TGM3: variants seen among roughly 807,000 people sequenced by gnomAD.
TGM3 encodes the protein protein-glutamine gamma-glutamyltransferase E.
TGM3 carries 52 observed loss-of-function variants against 73.8 expected under a neutral mutation model. The observed-to-expected ratio is 0.70, with a 90% CI of 0.56 to 0.89. The LOEUF (loss-of-function observed/expected upper bound fraction) is 0.89, where lower values mean the gene tolerates loss of function less well. Among genes scored for constraint, TGM3 ranks in the 40% least tolerant of loss-of-function variants. The pLI is 0.00. For synonymous variants in TGM3, 372 were observed against 354.9 expected (o/e 1.05, Z -0.54); for missense variants, 928 against 909.9 (o/e 1.02, Z -0.26).
chr20:2,327,504 A>G (rs1445676024), intron 8 of TGM3, among the ~76,000 whole-genome samples: 1 of 152,118 alleles, frequency 6.6e-6, no homozygotes, highest in Non-Finnish European at 1.5e-5. Context: ...AACAAAAAAG[A>G]TATAGTTAGA....
At chr20:2,298,058 C>A (rs2084120833) in intron 1 of TGM3, among the ~76,000 whole-genome samples, 1 of 148,178 alleles carries the variant, frequency 6.7e-6, no homozygotes. Context: ...TGGACTTGGT[C>A]TGGAGAGGTT....
intron 9 of TGM3, among the ~76,000 whole-genome samples, chr20:2,330,692 T>G (rs776680980): frequency 8.5e-5 from 13 of 152,172 alleles, no homozygotes; most frequent in Non-Finnish European, 1.6e-4. Flanking sequence ...AGGGGCTTGC[T>G]GTATCGTAAA....
At chr20:2,302,691 A>G (rs969083026) in intron 1 of TGM3, among the ~76,000 whole-genome samples, 4 of 150,830 alleles carry the variant, frequency 2.7e-5, no homozygotes, top group Non-Finnish European at 5.9e-5. Context: ...GCATTTGCCA[A>G]CTGTTTATAT....
intron 1 of TGM3, among the ~76,000 whole-genome samples, chr20:2,304,817 C>T (rs970616008): frequency 1.3e-5 from 2 of 152,182 alleles, no homozygotes; most frequent in Non-Finnish European, 2.9e-5. Context: ...CTCAGTCCCA[C>T]AACACTGCCC....
At chr20:2,333,505 C>A (rs2084331855) in intron 10 of TGM3, among the ~76,000 whole-genome samples, 1 of 152,118 alleles carries the variant, frequency 6.6e-6, no homozygotes, top group African/African-American at 2.4e-5. Context: ...CTCAGCCCCC[C>A]AAGTAGCTGT....
At position 2,332,358 on chromosome 20, in the gene TGM3, A is replaced by G. The variant is rs1350895662; in HGVS notation, c.1642+48A>G. On this transcript the variant is annotated intron_variant, in intron 10 of 12. Coordinates refer to ENST00000381458, the MANE Select transcript of TGM3 (RefSeq NM_003245.4). This position sits in a 1 kb window ranked among gnomAD's most constrained non-coding sequence, Gnocchi z 4.4. Reference sequence around the variant, plus strand: ...GAGATCCACGAATCCGAGGTAGCCAATGGCCTTCTGGGGCTGCAGGGTGTC... The same window carrying G: ...GAGATCCACGAATCCGAGGTAGCCAGTGGCCTTCTGGGGCTGCAGGGTGTC... 5 of 1,511,008 alleles carry G rather than the reference A, an allele frequency of 3.3e-6. No individual in the cohort carries two copies. Among genetic ancestry groups the G allele is most frequent in the Non-Finnish European group, 4.4e-6 (5 of 1,129,976 alleles). 93.6% of individuals were successfully genotyped at this position (1,511,008 alleles called of 1,614,324 possible).
chr20:2,321,038 A>T (rs2084260019), intron 7 of TGM3, among the ~76,000 whole-genome samples: 2 of 152,096 alleles, frequency 1.3e-5, no homozygotes, highest in African/African-American at 4.8e-5. Flanking sequence ...CTGGCTCCTC[A>T]TGCAATCTCT....
chr20:2,322,554 G>T (rs981601478), intron 7 of TGM3, among the ~76,000 whole-genome samples: 5 of 152,144 alleles, frequency 3.3e-5, no homozygotes, highest in African/African-American at 7.2e-5. Context: ...GTAAAGTCAG[G>T]TTACATAAAA....
chr20:2,340,083 C>A, intron 12 of TGM3, 96 bp downstream of exon 12: 1 of 1,445,718 alleles, frequency 6.9e-7, no homozygotes, highest in Non-Finnish European at 9.4e-7. Context: ...CTCCCTCTGA[C>A]CTTGGGTTCT....
At position 2,335,127 on chromosome 20, in the gene TGM3, C is replaced by T; in HGVS notation, c.1654C>T (p.Pro552Ser). 6.2e-7 allele frequency: 1 copy of T among 1,614,222 alleles called. No homozygotes were observed. Among genetic ancestry groups the T allele is most frequent in the Non-Finnish European group, 8.5e-7 (1 of 1,180,024 alleles). ...GCTTCTCCTTCCAGAGGCAGAACATCCCATAAAGATCTCGTACGCTCAGTA... is the reference window on the plus strand; with the variant it reads ...GCTTCTCCTTCCAGAGGCAGAACATTCCATAAAGATCTCGTACGCTCAGTA... ...SLDPEEEAEHPIKISYAQYEK... is the reference protein window; with the variant it reads ...SLDPEEEAEHSIKISYAQYEK... The change falls in exon 11 of 13, where the codon CCC becomes TCC. Residue 552 changes from proline (P) to serine (S), a missense_variant. Pro to Ser is a moderately conservative substitution (Grantham distance 74, BLOSUM62 -1). Coordinates refer to ENST00000381458, the MANE Select transcript of TGM3 (RefSeq NM_003245.4).
At chr20:2,298,948 A>G (rs1568619858) in intron 1 of TGM3, among the ~76,000 whole-genome samples, 2 of 151,476 alleles carry the variant, frequency 1.3e-5, no homozygotes, top group Non-Finnish European at 2.9e-5. Context: ...GACAGCGGCT[A>G]CTCCCTGTTC....
intron 12 of TGM3, 46 bp downstream of exon 12, chr20:2,340,033 C>CGGGGGGGGGTGGGGG: frequency 5.1e-6 from 1 of 196,588 alleles, no homozygotes; most frequent in South Asian, 4.4e-5. Flanking sequence ...CGGGAGGGGG[C>CGGGGGGGGGTGGGGG]GGGGGGGCCC....
intron 7 of TGM3, among the ~76,000 whole-genome samples, chr20:2,322,975 T>C (rs967184003): frequency 6.6e-6 from 1 of 152,238 alleles, no homozygotes. Context: ...AAAATAGAAT[T>C]ATTGTAGACT....
Position 2,333,133 on chromosome 20 carries a change from C to T in TGM3, c.1642+823C>T, listed in dbSNP as rs898013132. On this transcript the variant is annotated intron_variant, in intron 10 of 12. Transcript: ENST00000381458. ...TCATGAAAAGTTTGGACTTACAAGC[C>T]GGATTAACAGGGCAGGGTGGTTATT... 5.9e-5 allele frequency among the ~76,000 whole-genome samples: 9 copies of T among 152,228 alleles called. No homozygotes were observed. In the South Asian group the frequency reaches 6.2e-4, roughly 11 times the overall value.
chr20:2,320,906 AC>A, intron 7 of TGM3, among the ~76,000 whole-genome samples: 1 of 151,994 alleles, frequency 6.6e-6, no homozygotes, highest in Non-Finnish European at 1.5e-5. Context: ...CATAGATCTG[AC>A]TCTACCTGTA....
chr20:2,303,161 C>G (rs1377281949), intron 1 of TGM3, among the ~76,000 whole-genome samples: 1 of 151,852 alleles, frequency 6.6e-6, no homozygotes, highest in African/African-American at 2.4e-5. Flanking sequence ...ATTAGCCGGG[C>G]GTGGTGGTGC....
At chr20:2,310,140 T>G in intron 2 of TGM3, 38 bp from the exon 3 acceptor site, 1 of 1,612,100 alleles carries the variant, frequency 6.2e-7, no homozygotes, top group African/African-American at 1.3e-5. Flanking sequence ...GTCTGACCAG[T>G]GCTTGTTGGT....
At chr20:2,312,454 G>C (rs1310410529) in intron 4 of TGM3, among the ~76,000 whole-genome samples, 1 of 146,896 alleles carries the variant, frequency 6.8e-6, no homozygotes, top group Admixed American at 6.8e-5. Flanking sequence ...GAAACTCTGA[G>C]ATGAGTTTGG....
At chr20:2,302,817 T>C (rs984289045) in intron 1 of TGM3, among the ~76,000 whole-genome samples, 1 of 151,868 alleles carries the variant, frequency 6.6e-6, no homozygotes, top group Non-Finnish European at 1.5e-5. Context: ...ACAACCCAGA[T>C]GTCCATCAGC....
Sources: allele counts gnomAD v4.1 joint callset (sites outside exome capture counted in the v4.1 genomes callset), GRCh38; gene constraint gnomAD v4.1.1; non-coding constraint Gnocchi (gnomAD v3.1); transcripts MANE v1.5; gene names NCBI Gene and HGNC (gene_info 2026-07-23, HGNC 2026-07-21).